Variants in KLF8 observed in about 807,000 individuals in gnomAD.
KLF8 encodes KLF transcription factor 8.
In KLF8, 10 loss-of-function variants were observed where a neutral mutation model predicts 18.2. The observed-to-expected ratio is 0.55, with a 90% CI of 0.34 to 0.93. KLF8 has a LOEUF of 0.93. Among genes scored for constraint, KLF8 ranks in the 40% least tolerant of loss-of-function variants. The pLI is 0.02. For synonymous variants in KLF8, 109 were observed against 97.3 expected (o/e 1.12, Z -0.71); for missense variants, 264 against 277.9 (o/e 0.95, Z 0.36).
At chrX:56,078,221 G>A in the KLF8 span, among the ~76,000 whole-genome samples, 25 of 111,881 alleles carry the variant, frequency 2.2e-4, 1 homozygote, top group East Asian at 6.7e-3. Context: ...TCTTGTGCCA[G>A]TTTTCAAAGG....
the KLF8 span, among the ~76,000 whole-genome samples, chrX:56,076,911 A>T: frequency 9.0e-6 from 1 of 111,709 alleles, no homozygotes; most frequent in South Asian, 3.7e-4. Context: ...GCATTTTTTC[A>T]TGTGTTTTTT....
At chrX:55,978,021 C>T in the KLF8 span, among the ~76,000 whole-genome samples, 1 of 110,175 alleles carries the variant, frequency 9.1e-6, no homozygotes, top group Non-Finnish European at 1.9e-5. Context: ...TCAAAGGGGG[C>T]ATTCTGCTTT....
chrX:55,992,580 G>A, the KLF8 span, among the ~76,000 whole-genome samples: 9 of 111,654 alleles, frequency 8.1e-5, no homozygotes, highest in Non-Finnish European at 1.3e-4. Context: ...GACTATTTGG[G>A]ATACTTTTTT....
At chrX:56,184,295 T>C in the KLF8 span, among the ~76,000 whole-genome samples, 53 of 112,131 alleles carry the variant, frequency 4.7e-4, no homozygotes, top group African/African-American at 1.7e-3. Context: ...GAGATCAAAC[T>C]GCAAGGCGGG....
At chrX:56,247,879 A>G (rs188552369) in intron 1 of KLF8, among the ~76,000 whole-genome samples, 6 of 111,726 alleles carry the variant, frequency 5.4e-5, no homozygotes, top group African/African-American at 1.6e-4. Context: ...GATAGAATGT[A>G]TAGTGTAGTA....
chrX:56,163,908 A>C, the KLF8 span, among the ~76,000 whole-genome samples: 1 of 111,497 alleles, frequency 9.0e-6, no homozygotes, highest in African/African-American at 3.3e-5. Context: ...AGATAGTTGT[A>C]GGTGTGCAGT....
the KLF8 span, among the ~76,000 whole-genome samples, chrX:56,103,358 C>A: frequency 2.7e-5 from 3 of 111,553 alleles, no homozygotes; most frequent in Non-Finnish European, 3.8e-5. Context: ...GAATGTTCTT[C>A]CATTTGTTTG....
the KLF8 span, among the ~76,000 whole-genome samples, chrX:55,914,292 T>C: frequency 8.9e-6 from 1 of 111,924 alleles, no homozygotes; most frequent in African/African-American, 3.2e-5. Flanking sequence ...ATATATGCCA[T>C]GAGAACCCTC....
the KLF8 span, among the ~76,000 whole-genome samples, chrX:56,034,677 T>C: frequency 9.1e-6 from 1 of 110,225 alleles, no homozygotes; most frequent in South Asian, 3.8e-4. Flanking sequence ...TTCTGGCTAT[T>C]TGAAAAAATA....
the KLF8 span, among the ~76,000 whole-genome samples, chrX:56,139,038 TA>T: frequency 1.8e-5 from 2 of 110,226 alleles, no homozygotes; most frequent in Non-Finnish European, 3.8e-5. Flanking sequence ...GAGAGCCAAA[TA>T]AAAAATACAA....
the KLF8 span, among the ~76,000 whole-genome samples, chrX:56,063,935 G>A: frequency 3.7e-4 from 40 of 109,258 alleles, no homozygotes; most frequent in African/African-American, 1.3e-3. Context: ...AATAATGGTG[G>A]ATACTATCCT....
the KLF8 span, among the ~76,000 whole-genome samples, chrX:55,995,803 T>C: frequency 3.7e-4 from 41 of 111,504 alleles, no homozygotes; most frequent in African/African-American, 1.3e-3. Context: ...TCTAGCTGCC[T>C]TTAATATTTT....
At chrX:55,990,201 C>T in the KLF8 span, among the ~76,000 whole-genome samples, 1 of 111,940 alleles carries the variant, frequency 8.9e-6, no homozygotes, top group Non-Finnish European at 1.9e-5. Flanking sequence ...GTCTCTATTT[C>T]CTTCAGTTCT....
chrX:55,975,366 G>C, the KLF8 span, among the ~76,000 whole-genome samples: 1 of 110,821 alleles, frequency 9.0e-6, no homozygotes, highest in East Asian at 2.8e-4. Context: ...AGGTAAGAAG[G>C]ATCTTTTAAC....
chrX:56,120,968 C>G, the KLF8 span, among the ~76,000 whole-genome samples: 6 of 110,729 alleles, frequency 5.4e-5, no homozygotes, highest in Non-Finnish European at 1.9e-5. Context: ...GGGCAGATCA[C>G]GAGGTCAGGA....
At chrX:56,141,348 A>AT in the KLF8 span, among the ~76,000 whole-genome samples, 31 of 111,111 alleles carry the variant, frequency 2.8e-4, no homozygotes, top group East Asian at 4.5e-3. Context: ...TCCTTTGTTC[A>AT]TTTTTTTTGT....
chrX:55,916,553 A>G, the KLF8 span, among the ~76,000 whole-genome samples: 3 of 98,912 alleles, frequency 3.0e-5, no homozygotes, highest in African/African-American at 1.5e-4. Context: ...ATTAATCATC[A>G]TAATGATCTA....
At chrX:56,035,684 G>A in the KLF8 span, among the ~76,000 whole-genome samples, 1 of 111,474 alleles carries the variant, frequency 9.0e-6, no homozygotes, top group Non-Finnish European at 1.9e-5. Flanking sequence ...TATCTCATTG[G>A]GTTTTGATTT....
the KLF8 span, among the ~76,000 whole-genome samples, chrX:56,169,185 A>G: frequency 1.8e-5 from 2 of 111,426 alleles, no homozygotes; most frequent in East Asian, 5.7e-4. Context: ...ATGAATAATC[A>G]GAGGTAATAC....
Sources: gnomAD v4.1 joint callset for allele counts (sites outside exome capture counted in the v4.1 genomes callset) on GRCh38, gnomAD v4.1.1 for gene constraint, MANE v1.5 for transcripts, NCBI Gene and HGNC (gene_info 2026-07-23, HGNC 2026-07-21) for gene names.